The following VPS13B variants were observed in gnomAD, a reference collection of about 807,000 sequenced individuals.
VPS13B encodes the protein vacuolar protein sorting 13 homolog B.
In VPS13B, 285 loss-of-function variants were observed where a neutral mutation model predicts 426.4. The ratio of observed to expected loss-of-function variants is 0.67; its 90% confidence interval spans 0.61 to 0.74. The LOEUF (loss-of-function observed/expected upper bound fraction) is 0.74, where lower values mean the gene tolerates loss of function less well. Among genes scored for constraint, VPS13B ranks in the 30% least tolerant of loss-of-function variants. VPS13B has a pLI of 0.00. For missense variants in VPS13B, 4,537 were observed against 4,782.6 expected, an observed-to-expected ratio of 0.95 and a Z score of 1.51; for synonymous variants, 1,676 against 1,676.4, an observed-to-expected ratio of 1.00 and a Z score of 0.01.
intron 23 of VPS13B, among the ~76,000 whole-genome samples, chr8:99,452,048 C>T (rs1206274511): frequency 4.6e-5 from 7 of 152,118 alleles, no homozygotes; most frequent in African/African-American, 1.7e-4. Flanking sequence ...TCTTAGGGTA[C>T]ATTTAAAAGT....
At chr8:99,821,241 A>C in intron 49 of VPS13B, 53 bp from the exon 50 acceptor site, 1 of 1,594,218 alleles carries the variant, frequency 6.3e-7, no homozygotes. Flanking sequence ...GATTGAAGTA[A>C]AAAATATCAA....
In VPS13B at chr8:99,380,525, T is replaced by TCTGA. The variant is rs140066455; in HGVS notation, c.2825-3682_2825-3679dup. On this transcript the variant is annotated intron_variant, in intron 19 of 61. Transcript: ENST00000357162. ...CTTGGGAGGGCACATGCTTTTGTTG[T>TCTGA]CTGAGCATGCTGCCTAAGGATTTAT... Among the ~76,000 whole-genome samples, 226 of 152,200 alleles carry TCTGA rather than the reference T, an allele frequency of 1.5e-3. 1 individual carries two copies. Among genetic ancestry groups the TCTGA allele is most frequent in the African/African-American group, 5.2e-3 (215 of 41,544 alleles).
At chr8:99,498,945 A>G (rs1179423885) in intron 25 of VPS13B, among the ~76,000 whole-genome samples, 1 of 152,170 alleles carries the variant, frequency 6.6e-6, no homozygotes, top group Non-Finnish European at 1.5e-5. Context: ...TTGAACAAGA[A>G]TGCAGGAGTT....
At chr8:99,619,920 T>A (rs1188844648) in intron 33 of VPS13B, among the ~76,000 whole-genome samples, 1 of 149,068 alleles carries the variant, frequency 6.7e-6, no homozygotes, top group Non-Finnish European at 1.5e-5. Context: ...AATAATAATG[T>A]AGGCAAGGAA....
At chr8:99,747,622 G>A (rs546415841) in intron 39 of VPS13B, among the ~76,000 whole-genome samples, 1 of 152,130 alleles carries the variant, frequency 6.6e-6, no homozygotes, top group East Asian at 1.9e-4. Flanking sequence ...ATAATTATGT[G>A]AGATATGGCA....
At chr8:99,172,556 T>G (rs1378796969) in intron 16 of VPS13B, among the ~76,000 whole-genome samples, 1 of 152,182 alleles carries the variant, frequency 6.6e-6, no homozygotes, top group Non-Finnish European at 1.5e-5. Context: ...TGAACATCTT[T>G]GATTGTTTTA....
At chr8:99,558,871 C>T (rs1306380110) in intron 31 of VPS13B, among the ~76,000 whole-genome samples, 35 of 152,104 alleles carry the variant, frequency 2.3e-4, no homozygotes, top group Non-Finnish European at 2.9e-4. Context: ...AATAAACATA[C>T]GTGTGCATGT....
intron 19 of VPS13B, among the ~76,000 whole-genome samples, chr8:99,350,340 T>C (rs182834198): frequency 6.6e-5 from 10 of 152,296 alleles, no homozygotes. Context: ...AAAGGGGCAA[T>C]ACTGGTGTTA....
chr8:99,067,464 C>T (rs949103962), intron 3 of VPS13B, among the ~76,000 whole-genome samples: 4 of 151,838 alleles, frequency 2.6e-5, no homozygotes, highest in African/African-American at 7.3e-5. Flanking sequence ...GGACACAGGG[C>T]GGGGAACATC....
intron 44 of VPS13B, 129 bp from the exon 45 acceptor site, chr8:99,817,411 A>T: frequency 1.6e-6 from 2 of 1,242,378 alleles, no homozygotes; most frequent in Admixed American, 2.3e-5. Context: ...TCCTTCTTGT[A>T]CTGTTTAAGC....
Position 99,053,491 on chromosome 8 carries a change from C to T in VPS13B, c.291+14925C>T, listed in dbSNP as rs575067051. Among the ~76,000 whole-genome samples the T allele has an allele frequency of 6.6e-5, 10 of 152,074 alleles. No individual in the cohort carries two copies. The East Asian group carries it at 1.5e-3, about 24-fold the overall frequency. ...ATGAACTCATCATTTTTTATGGCTG[C>T]ATGGAATACTATGCAGCCATCATTC... On this transcript the variant is annotated intron_variant, in intron 3 of 61. Transcript: ENST00000357162.
At chr8:99,779,515 CTCTT>C (rs1362895236) in intron 42 of VPS13B, among the ~76,000 whole-genome samples, 2 of 152,134 alleles carry the variant, frequency 1.3e-5, no homozygotes, top group Non-Finnish European at 2.9e-5. Context: ...TTTTCCTCTA[CTCTT>C]TCTGACTTTT....
At chr8:99,060,645 C>A (rs1005847894) in intron 3 of VPS13B, among the ~76,000 whole-genome samples, 1 of 151,742 alleles carries the variant, frequency 6.6e-6, no homozygotes, top group African/African-American at 2.4e-5. Context: ...ATAATATAAT[C>A]TTTTATTATA....
intron 3 of VPS13B, among the ~76,000 whole-genome samples, chr8:99,085,928 G>C (rs1845755995): frequency 6.6e-6 from 1 of 151,960 alleles, no homozygotes. Context: ...TATGTGTCTT[G>C]GAGCAACAAT....
At chr8:99,296,762 TTTCC>T (rs1820063104) in intron 19 of VPS13B, among the ~76,000 whole-genome samples, 1 of 152,182 alleles carries the variant, frequency 6.6e-6, no homozygotes, top group Admixed American at 6.5e-5. Flanking sequence ...AGCACTCATC[TTTCC>T]TTATTGTCCT....
chr8:99,062,193 C>T (rs115636781), intron 3 of VPS13B, among the ~76,000 whole-genome samples: 11 of 152,096 alleles, frequency 7.2e-5, no homozygotes, highest in Admixed American at 1.3e-4. Flanking sequence ...ATTCCCTATG[C>T]GTTTTATAGG....
Position 99,720,930 on chromosome 8 carries a change from G to A in VPS13B, c.6933G>A (p.Met2311Ile). The change falls in exon 39 of 62, where the codon ATG becomes ATA. Residue 2311 changes from methionine to isoleucine, a missense_variant. Coordinates refer to ENST00000357162, the MANE Select transcript of VPS13B (RefSeq NM_152564.5). ...ATGAAACTGAAGATTGCCCAGGGATGATGTTATGGAGATATCCAGAACCTA... is the reference window on the plus strand; with the variant it reads ...ATGAAACTGAAGATTGCCCAGGGATAATGTTATGGAGATATCCAGAACCTA... ...FYNETEDCPG[M>I]MLWRYPEPRV... 6.2e-7 allele frequency: 1 copy of A among 1,614,012 alleles called. No homozygotes were observed. Among genetic ancestry groups the A allele is most frequent in the Non-Finnish European group, 8.5e-7 (1 of 1,179,940 alleles).
At chr8:99,649,717 G>A (rs930433317) in intron 34 of VPS13B, among the ~76,000 whole-genome samples, 6 of 151,582 alleles carry the variant, frequency 4.0e-5, no homozygotes, top group African/African-American at 1.5e-4. Flanking sequence ...GAAAAAAAAA[G>A]AAAAGAAAAA....
chr8:99,697,942 G>A, intron 35 of VPS13B: 1 of 425,740 alleles, frequency 2.3e-6, no homozygotes, highest in Non-Finnish European at 4.5e-6. Flanking sequence ...AGGTGGCCAA[G>A]ATTGTAGCGA....
Sources: gnomAD v4.1 joint callset for allele counts (sites outside exome capture counted in the v4.1 genomes callset) on GRCh38, gnomAD v4.1.1 for gene constraint, MANE v1.5 for transcripts, NCBI Gene and HGNC (gene_info 2026-07-23, HGNC 2026-07-21) for gene names.